The following LAMA1 variants were observed in gnomAD, a reference collection of about 807,000 sequenced individuals.
LAMA1 encodes laminin subunit alpha-1.
A neutral mutation model predicts 348.7 loss-of-function variants in LAMA1; 219 were observed. The observed-to-expected ratio is 0.63, with a 90% CI of 0.56 to 0.70. LAMA1 has a LOEUF of 0.70. Among genes scored for constraint, LAMA1 ranks in the 30% least tolerant of loss-of-function variants. The pLI is 0.00. For synonymous variants in LAMA1, 1,487 were observed against 1,491.0 expected (o/e 1.00, Z 0.06); for missense variants, 3,744 against 3,888.0 (o/e 0.96, Z 0.99).
At chr18:7,055,453 CAAAAAA>C (rs57670126) in intron 3 of LAMA1, among the ~76,000 whole-genome samples, 3 of 61,746 alleles carry the variant, frequency 4.9e-5, no homozygotes, top group Admixed American at 1.9e-4. Flanking sequence ...AACTCCGTCT[CAAAAAA>C]AAAAAAAAAA....
rs1600361162 is a variant in LAMA1 at position 6,972,965 on chromosome 18, A to C, written c.6774+92T>G. Reference sequence around the variant, plus strand: ...CTTGGCCTCCCAAAGTTCTGGGATTACAGGCGTGAGCCACCACGCCCGGCC... The same window carrying C: ...CTTGGCCTCCCAAAGTTCTGGGATTCCAGGCGTGAGCCACCACGCCCGGCC... On this transcript the variant is annotated intron_variant, in intron 47 of 62. Coordinates refer to ENST00000389658, the MANE Select transcript of LAMA1 (RefSeq NM_005559.4). 15 of 1,437,640 alleles carry C rather than the reference A, an allele frequency of 1.0e-5. No homozygotes were observed. The East Asian group carries it at 3.4e-4, about 33-fold the overall frequency. 89.1% of individuals were successfully genotyped at this position (1,437,640 alleles called of 1,614,324 possible).
At chr18:6,979,861 T>G (rs555208838) in intron 42 of LAMA1, among the ~76,000 whole-genome samples, 28 of 152,188 alleles carry the variant, frequency 1.8e-4, no homozygotes. Context: ...ATCGCGCCAC[T>G]GCACTCCAGC....
chr18:6,954,888 C>T (rs529087661), intron 57 of LAMA1: 109 of 242,140 alleles, frequency 4.5e-4, no homozygotes, highest in African/African-American at 2.4e-3. Flanking sequence ...TGAGATCTTC[C>T]CTTGGCAGAA....
intron 1 of LAMA1, among the ~76,000 whole-genome samples, chr18:7,107,829 A>G (rs368896191): frequency 4.6e-4 from 70 of 151,672 alleles, no homozygotes; most frequent in East Asian, 3.4e-3. Context: ...CCTGGCTACC[A>G]TGGTGAAACC....
chr18:7,075,191 T>A (rs891747656), intron 3 of LAMA1, among the ~76,000 whole-genome samples: 1 of 152,120 alleles, frequency 6.6e-6, no homozygotes, highest in Non-Finnish European at 1.5e-5. Flanking sequence ...ACCTGTAATT[T>A]TACTTTAGAA....
rs192947475 is a variant in LAMA1 at position 7,108,237 on chromosome 18, G to A, written c.61+9423C>T. On this transcript the variant is annotated intron_variant, in intron 1 of 62. Transcript: ENST00000389658. ...TGTAGTCCCAGCTACTCAAGAGGCT[G>A]AGGCAGGAGAATCACTTGAACCTGG... is the stretch of plus-strand genomic sequence containing the variant. Among the ~76,000 whole-genome samples the A allele has an allele frequency of 3.4e-4, 52 of 152,206 alleles. 1 individual carries two copies. In the East Asian group the frequency reaches 8.5e-3, roughly 25 times the overall value.
At chr18:6,951,940 T>G (rs1009276012) in intron 57 of LAMA1, among the ~76,000 whole-genome samples, 2 of 152,104 alleles carry the variant, frequency 1.3e-5, no homozygotes, top group Non-Finnish European at 2.9e-5. Flanking sequence ...GCCTGCGAAT[T>G]CCATTCGGGG....
chr18:7,083,620 T>C (rs368378238), intron 1 of LAMA1, among the ~76,000 whole-genome samples: 1 of 152,212 alleles, frequency 6.6e-6, no homozygotes, highest in African/African-American at 2.4e-5. Flanking sequence ...GGGTTGTCTT[T>C]CACTAAAACT....
intron 3 of LAMA1, among the ~76,000 whole-genome samples, chr18:7,064,573 T>G (rs2058114995): frequency 6.6e-6 from 1 of 152,184 alleles, no homozygotes; most frequent in Non-Finnish European, 1.5e-5. Flanking sequence ...AAAGACCCAT[T>G]GTTCACACAA....
chr18:6,986,802 T>A (rs2057737569), intron 36 of LAMA1, among the ~76,000 whole-genome samples: 2 of 152,320 alleles, frequency 1.3e-5, no homozygotes, highest in African/African-American at 4.8e-5. Context: ...TCTTGTCCCC[T>A]AGGTTTGAGT....
chr18:6,993,669 G>T lies in LAMA1; in HGVS notation c.4980C>A (p.Ala1660=). ...TGATGCTCATCTGCAGCCTCTCAAT[G>T]GCTATGGCCAGGTCTTGACTCTCCT... The part of the protein sequence containing the change: ...IFKESQDLAI[A]IERLQMSITE... Residue 1660 remains alanine, a synonymous_variant, in exon 35 of 63, where the codon GCC becomes GCA. Transcript: ENST00000389658. The T allele has an allele frequency of 1.2e-6, 2 of 1,613,648 alleles. No individual in the cohort carries two copies. The highest frequency in any genetic ancestry group is 1.7e-6 in the Non-Finnish European group (2 of 1,179,728).
chr18:6,968,116 C>G (rs2144021955), intron 48 of LAMA1, among the ~76,000 whole-genome samples: 1 of 152,268 alleles, frequency 6.6e-6, no homozygotes, highest in Non-Finnish European at 1.5e-5. Flanking sequence ...GGTAAGGGCC[C>G]AGGACAAATG....
rs920100628 is a variant in LAMA1, at chr18:7,108,948, C to T, written c.61+8712G>A. Among the ~76,000 whole-genome samples, 22 of 151,712 alleles carry T rather than the reference C, an allele frequency of 1.5e-4. 1 individual carries two copies. Among genetic ancestry groups the T allele is most frequent in the Middle Eastern group, 6.9e-3 (2 of 288 alleles). On this transcript the variant is annotated intron_variant, in intron 1 of 62. Transcript: ENST00000389658. The stretch of plus-strand genomic sequence containing the variant: ...CCATCACAGGACACAGCAGCAAGGA[C>T]AGAAAGCAAGCAGTGGCAGGAAGAG...
At chr18:7,064,011 A>C (rs1467943087) in intron 3 of LAMA1, among the ~76,000 whole-genome samples, 3 of 152,044 alleles carry the variant, frequency 2.0e-5, no homozygotes, top group Admixed American at 6.6e-5. Flanking sequence ...CTGCAGCCTC[A>C]AGTGCCCCTG....
chr18:6,979,827 G>A (rs35541884), intron 42 of LAMA1, among the ~76,000 whole-genome samples: 18,484 of 151,744 alleles, frequency 0.12, 1,331 homozygotes, highest in Middle Eastern at 0.22. Context: ...TGAACCCGGG[G>A]GGCGGAGCTT....
Position 7,016,480 on chromosome 18 carries a change from T to A in LAMA1, c.2989+11A>T. ...GACTACAAAGTCTCAAACAAGGAAATCAAGGCTTACGTGTACAGCTACCAT... is the reference window on the plus strand; with the variant it reads ...GACTACAAAGTCTCAAACAAGGAAAACAAGGCTTACGTGTACAGCTACCAT... On this transcript the variant is annotated intron_variant, in intron 21 of 62. Transcript: ENST00000389658. 1.2e-6 allele frequency: 2 copies of A among 1,614,030 alleles called. No individual in the cohort carries two copies. Among genetic ancestry groups the A allele is most frequent in the South Asian group, 1.1e-5 (1 of 91,070 alleles).
At chr18:7,023,691 C>T (rs2057928956) in intron 18 of LAMA1, among the ~76,000 whole-genome samples, 1 of 152,184 alleles carries the variant, frequency 6.6e-6, no homozygotes, top group Non-Finnish European at 1.5e-5. Flanking sequence ...CACTGAGACG[C>T]ACACATAGGA....
At chr18:7,001,095 CAT>C (rs142138917) in intron 30 of LAMA1, among the ~76,000 whole-genome samples, 4,341 of 152,220 alleles carry the variant, frequency 0.029, 116 homozygotes, top group African/African-American at 0.07. Flanking sequence ...TCTCTGGGCA[CAT>C]ATATAGCCAC....
intron 15 of LAMA1, 78 bp from the exon 16 acceptor site, chr18:7,032,254 T>C (rs1216490459): frequency 2.2e-6 from 2 of 903,090 alleles, no homozygotes; most frequent in South Asian, 2.8e-5. Context: ...TACAGAAATG[T>C]CTTTTTTCTT....
Sources: allele counts gnomAD v4.1 joint callset (sites outside exome capture counted in the v4.1 genomes callset), GRCh38; gene constraint gnomAD v4.1.1; transcripts MANE v1.5; gene names NCBI Gene and HGNC (gene_info 2026-07-23, HGNC 2026-07-21).